KMT2C: variants seen among roughly 807,000 people sequenced by gnomAD.
KMT2C encodes lysine methyltransferase 2C, also known as histone-lysine N-methyltransferase 2C.
KMT2C carries 88 observed loss-of-function variants against 507.9 expected under a neutral mutation model. That is an observed-to-expected ratio of 0.17 (90% CI 0.15 to 0.21). KMT2C has a LOEUF of 0.21. Among genes scored for constraint, KMT2C ranks in the 10% least tolerant of loss-of-function variants. The pLI, the probability that KMT2C is intolerant of heterozygous loss-of-function variation, is 1.00. For missense variants in KMT2C, 4,954 were observed against 5,957.8 expected (o/e 0.83, Z 5.55); for synonymous variants, 2,049 against 2,080.8 (o/e 0.98, Z 0.42).
In KMT2C at chr7:152,181,614, T is replaced by C; in HGVS notation, c.6246A>G (p.Ile2082Met). 1 of 1,614,074 alleles carries C rather than the reference T, an allele frequency of 6.2e-7. No homozygotes were observed. Among genetic ancestry groups the C allele is most frequent in the South Asian group, 1.1e-5 (1 of 91,066 alleles). Residue 2082 changes from isoleucine to methionine, a missense_variant, in exon 36 of 59, where the codon ATA becomes ATG. Around this residue, in one of 29 missense-constraint regions of KMT2C, gnomAD observed 1,689 missense variants for 1,654.3 expected, o/e 1.02. Coordinates refer to ENST00000262189, the MANE Select transcript of KMT2C (RefSeq NM_170606.3). ...YERPALTPRPIDNFSHNQSND... is the reference protein window; with the variant it reads ...YERPALTPRPMDNFSHNQSND... Reference sequence around the variant, plus strand: ...TTGACTGATTATGAGAAAAATTATCTATAGGTCTTGGTGTCAAAGCAGGCC... The same window carrying C: ...TTGACTGATTATGAGAAAAATTATCCATAGGTCTTGGTGTCAAAGCAGGCC...
chr7:152,320,776 A>T (rs927400245), intron 3 of KMT2C, among the ~76,000 whole-genome samples: 2 of 152,008 alleles, frequency 1.3e-5, no homozygotes, highest in African/African-American at 2.4e-5. Context: ...TCTATCTACA[A>T]CTAACGGTTC....
In KMT2C at chr7:152,297,059, G is replaced by GAAAGAAAGAC. The variant is rs1563767704; in HGVS notation, c.849+12906_849+12907insGTCTTTCTTT. Among the ~76,000 whole-genome samples, 306 of 64,192 alleles carry GAAAGAAAGAC rather than the reference G, an allele frequency of 4.8e-3. 1 individual carries two copies. The highest frequency in any genetic ancestry group is 0.015 in the Middle Eastern group (2 of 130). The allele number at this position is 64,192 out of a possible 152,430, so 42.1% of individuals were successfully genotyped here. Reference sequence around the variant, plus strand: ...AAAGAAAGAAAGAAAGAAAGACAGAGAGAGAGAGAGAGAGAGAGAGAGAGA... The same window carrying GAAAGAAAGAC: ...AAAGAAAGAAAGAAAGAAAGACAGAGAAAGAAAGACAGAGAGAGAGAGAGAGAGAGAGAGA... On this transcript the variant is annotated intron_variant, in intron 6 of 58. Coordinates refer to ENST00000262189, the MANE Select transcript of KMT2C (RefSeq NM_170606.3).
chr7:152,240,106 G>A (rs4726141), intron 14 of KMT2C, among the ~76,000 whole-genome samples: 12 of 149,294 alleles, frequency 8.0e-5, no homozygotes, highest in African/African-American at 2.2e-4. Flanking sequence ...CAGGATTACC[G>A]TTAGGTGTTC....
intron 1 of KMT2C, among the ~76,000 whole-genome samples, chr7:152,378,753 C>T: frequency 6.6e-6 from 1 of 152,100 alleles, no homozygotes; most frequent in Non-Finnish European, 1.5e-5. Flanking sequence ...TAATTATGAA[C>T]CATGCAGAGC....
At chr7:152,404,174 C>CTG (rs1326854697) in intron 1 of KMT2C, among the ~76,000 whole-genome samples, 29 of 150,392 alleles carry the variant, frequency 1.9e-4, no homozygotes, top group Middle Eastern at 7.1e-3. Context: ...ACATATATTA[C>CTG]TATGCAAAGT....
rs375765532 is a variant in KMT2C, at chr7:152,218,726, C to T, written c.3712+1797G>A. ...AGATATACTGAGCCGTCCTTCTTGT[C>T]CTCACATCTCTAATCTTCTCACCTT... is the stretch of plus-strand genomic sequence containing the variant. On this transcript the variant is annotated intron_variant, in intron 23 of 58. Transcript: ENST00000262189. Among the ~76,000 whole-genome samples the T allele has an allele frequency of 5.6e-4, 85 of 152,140 alleles. 2 individuals are homozygous for T. In the South Asian group the frequency reaches 0.011, roughly 20 times the overall value.
At chr7:152,309,335 G>A (rs1415465238) in intron 6 of KMT2C, among the ~76,000 whole-genome samples, 2 of 43,070 alleles carry the variant, frequency 4.6e-5, no homozygotes, top group East Asian at 1.3e-3. Flanking sequence ...TTTTTTTTTT[G>A]AGGCAGGGTC....
At chr7:152,274,910 T>C (rs967139394) in intron 6 of KMT2C, among the ~76,000 whole-genome samples, 47 of 152,222 alleles carry the variant, frequency 3.1e-4, no homozygotes, top group Admixed American at 2.0e-4. Flanking sequence ...AAGGTGTTCC[T>C]ATACATATAC....
intron 11 of KMT2C, among the ~76,000 whole-genome samples, chr7:152,251,725 T>C (rs1313513454): frequency 3.3e-5 from 5 of 152,122 alleles, no homozygotes; most frequent in Non-Finnish European, 7.4e-5. Flanking sequence ...GGAATTCAAA[T>C]ACTAAAAAAA....
chr7:152,221,161 G>A (rs2094755793), intron 22 of KMT2C, among the ~76,000 whole-genome samples: 1 of 152,226 alleles, frequency 6.6e-6, no homozygotes, highest in Admixed American at 6.5e-5. Flanking sequence ...GGAGGCTGAG[G>A]CAGGAGAATC....
intron 10 of KMT2C, 53 bp downstream of exon 10, chr7:152,252,493 C>G: frequency 6.9e-7 from 1 of 1,443,534 alleles, no homozygotes; most frequent in Non-Finnish European, 9.6e-7. Flanking sequence ...AGCAAATGAC[C>G]ACATGAATAA....
chr7:152,212,104 C>G (rs1177343316), intron 23 of KMT2C, among the ~76,000 whole-genome samples: 1 of 151,898 alleles, frequency 6.6e-6, no homozygotes, highest in African/African-American at 2.4e-5. Flanking sequence ...GAAAGACAGA[C>G]AGAAAGAAAA....
rs1588626891 is a variant in KMT2C, at chr7:152,255,109, T to TATATATATATATATATA, written c.1300-2395_1300-2394insTATATATATATATATAT. Among the ~76,000 whole-genome samples the TATATATATATATATATA allele has an allele frequency of 1.8e-3, 140 of 78,338 alleles. 4 individuals carry two copies. Among genetic ancestry groups the TATATATATATATATATA allele is most frequent in the Non-Finnish European group, 2.6e-3 (98 of 37,250 alleles). The allele number at this position is 78,338 out of a possible 152,430, so 51.4% of individuals were successfully genotyped here. ...AATCAAGATGTCAATCAACTCTCAC[T>TATATATATATATATATA]TATATATATATATATATATATATAT... On this transcript the variant is annotated intron_variant, in intron 9 of 58. Transcript: ENST00000262189.
chr7:152,185,142 T>C (rs1407541331), intron 34 of KMT2C, among the ~76,000 whole-genome samples: 1 of 152,244 alleles, frequency 6.6e-6, no homozygotes, highest in Non-Finnish European at 1.5e-5. Context: ...TACATTGTTT[T>C]AAAAACAATG....
chr7:152,222,178 T>C (rs2094793372), intron 21 of KMT2C, 112 bp from the exon 22 acceptor site: 1 of 695,980 alleles, frequency 1.4e-6, no homozygotes, highest in Non-Finnish European at 2.3e-6. Context: ...TTAAAATAAA[T>C]GTTTGAACAC....
intron 1 of KMT2C, among the ~76,000 whole-genome samples, chr7:152,429,432 T>A (rs886412329): frequency 1.3e-5 from 2 of 152,198 alleles, no homozygotes; most frequent in Non-Finnish European, 2.9e-5. Flanking sequence ...GTGTCATTTG[T>A]TTCTCTCAAC....
Position 152,181,878 on chromosome 7 carries a change from A to C in KMT2C, c.5982T>G (p.Thr1994=). ...LSRSPVVSEQ[T]AKGPIAAGTS... is the part of the protein sequence containing the mutation. Reference sequence around the variant, plus strand: ...TTCCAGCTGCTATAGGGCCTTTTGCAGTTTGTTCTGAAACTACAGGAGACC... The same window carrying C: ...TTCCAGCTGCTATAGGGCCTTTTGCCGTTTGTTCTGAAACTACAGGAGACC... Residue 1994 remains threonine (T), a synonymous_variant, in exon 36 of 59, where the codon ACT becomes ACG. Transcript: ENST00000262189. The C allele has an allele frequency of 1.9e-6, 3 of 1,614,146 alleles. 1 individual carries two copies. In the Middle Eastern group the frequency reaches 4.9e-4, roughly 266 times the overall value.
At chr7:152,319,828 CTCCCTT>C (rs555404292) in intron 3 of KMT2C, among the ~76,000 whole-genome samples, 11 of 152,276 alleles carry the variant, frequency 7.2e-5, no homozygotes, top group Non-Finnish European at 1.2e-4. Flanking sequence ...CCCTCTCCCT[CTCCCTT>C]TCCCTCTCTC....
rs564628043 is a variant in KMT2C at position 152,208,992 on chromosome 7, T to C, written c.3713-1564A>G. ...ACCAGCCTGACCAACATGGTGAGTCTCTACTAAAAATACAAAATTATCTGG... is the reference window on the plus strand; with the variant it reads ...ACCAGCCTGACCAACATGGTGAGTCCCTACTAAAAATACAAAATTATCTGG... On this transcript the variant is annotated intron_variant, in intron 23 of 58. Transcript: ENST00000262189. 9.9e-5 allele frequency among the ~76,000 whole-genome samples: 15 copies of C among 151,570 alleles called. No homozygotes were observed. In the East Asian group the frequency reaches 2.5e-3, roughly 26 times the overall value.
Sources: gnomAD v4.1 joint callset for allele counts (sites outside exome capture counted in the v4.1 genomes callset) on GRCh38, gnomAD v4.1.1 for gene constraint, gnomAD v4.1.1 regional missense constraint, MANE v1.5 for transcripts, NCBI Gene and HGNC (gene_info 2026-07-23, HGNC 2026-07-21) for gene names.